Variants in SPIDR observed in about 807,000 individuals in gnomAD.
The protein encoded by SPIDR is scaffold protein involved in DNA repair.
SPIDR carries 93 observed loss-of-function variants against 104.6 expected under a neutral mutation model. The observed-to-expected ratio is 0.89, with a 90% CI of 0.75 to 1.06. The LOEUF is 1.06. Among genes scored for constraint, SPIDR ranks in the 50% least tolerant of loss-of-function variants. The pLI, the probability that SPIDR is intolerant of heterozygous loss-of-function variation, is 0.00. For missense variants in SPIDR, 1,154 were observed against 1,111.2 expected (o/e 1.04, Z -0.55); for synonymous variants, 431 against 416.9 (o/e 1.03, Z -0.41).
At chr8:47,734,714 A>T (rs1462528337) in intron 19 of SPIDR, among the ~76,000 whole-genome samples, 1 of 152,224 alleles carries the variant, frequency 6.6e-6, no homozygotes, top group Non-Finnish European at 1.5e-5. Flanking sequence ...ACACCCTCTC[A>T]GCCTGGTCAG....
intron 8 of SPIDR, among the ~76,000 whole-genome samples, chr8:47,594,130 C>T (rs1330578010): frequency 3.2e-5 from 4 of 126,558 alleles, no homozygotes; most frequent in African/African-American, 6.0e-5. Context: ...GAGGCCGAGG[C>T]GGGCAAATCA....
chr8:47,630,771 C>A (rs1216063852), intron 10 of SPIDR, among the ~76,000 whole-genome samples: 1 of 152,180 alleles, frequency 6.6e-6, no homozygotes, highest in Non-Finnish European at 1.5e-5. Context: ...GAAAATACCA[C>A]GTGACCTATA....
At chr8:47,342,328 CTTTTTTTTTTT>C (rs11357859) in intron 5 of SPIDR, among the ~76,000 whole-genome samples, 4 of 68,916 alleles carry the variant, frequency 5.8e-5, no homozygotes, top group Admixed American at 4.3e-4. Flanking sequence ...TTTCAAAGGT[CTTTTTTTTTTT>C]TTTTTTTTTT....
intron 8 of SPIDR, among the ~76,000 whole-genome samples, chr8:47,500,263 T>A (rs1345915855): frequency 6.6e-6 from 1 of 152,190 alleles, no homozygotes; most frequent in East Asian, 1.9e-4. Context: ...CCACCAACAG[T>A]GTAAAAGTGT....
intron 5 of SPIDR, among the ~76,000 whole-genome samples, chr8:47,306,002 G>T (rs1412124192): frequency 2.6e-5 from 4 of 152,034 alleles, no homozygotes; most frequent in Non-Finnish European, 5.9e-5. Context: ...CTAGCTCCTG[G>T]CAACCACCAT....
At chr8:47,722,104 T>A (rs951029578) in intron 16 of SPIDR, among the ~76,000 whole-genome samples, 13 of 152,226 alleles carry the variant, frequency 8.5e-5, no homozygotes, top group Admixed American at 7.8e-4. Context: ...ACATATTTTG[T>A]TAGATTTATA....
intron 10 of SPIDR, among the ~76,000 whole-genome samples, chr8:47,626,642 C>A (rs2066173757): frequency 6.6e-6 from 1 of 152,216 alleles, no homozygotes; most frequent in African/African-American, 2.4e-5. Flanking sequence ...AAAAAATGCT[C>A]ATCGTCACTG....
chr8:47,564,631 G>C (rs2057536237), intron 8 of SPIDR, among the ~76,000 whole-genome samples: 1 of 148,896 alleles, frequency 6.7e-6, no homozygotes, highest in Non-Finnish European at 1.5e-5. Flanking sequence ...AGTGAGCAGA[G>C]ATCACACCAC....
At chr8:47,556,145 CAGCCAATGAGAA>C (rs1461866716) in intron 8 of SPIDR, among the ~76,000 whole-genome samples, 1 of 152,132 alleles carries the variant, frequency 6.6e-6, no homozygotes, top group East Asian at 1.9e-4. Context: ...AAAGAGAAGC[CAGCCAATGAGAA>C]TTAGCCTGTA....
chr8:47,450,014 A>G (rs2071406685), intron 8 of SPIDR, among the ~76,000 whole-genome samples: 2 of 152,054 alleles, frequency 1.3e-5, no homozygotes, highest in African/African-American at 4.8e-5. Flanking sequence ...AAATACAAAA[A>G]TTAGCCAGGC....
intron 5 of SPIDR, among the ~76,000 whole-genome samples, chr8:47,309,541 G>C (rs1366696639): frequency 6.6e-6 from 1 of 152,142 alleles, no homozygotes; most frequent in African/African-American, 2.4e-5. Context: ...AAAGATGCCA[G>C]GACAAGGAGT....
chr8:47,717,203 G>T (rs1415097614), intron 16 of SPIDR, among the ~76,000 whole-genome samples: 3 of 152,122 alleles, frequency 2.0e-5, no homozygotes, highest in Non-Finnish European at 2.9e-5. Context: ...GGGCTTGCTG[G>T]TCTCCAGGCT....
intron 8 of SPIDR, among the ~76,000 whole-genome samples, chr8:47,540,962 C>T (rs184935020): frequency 7.6e-4 from 116 of 152,242 alleles, no homozygotes; most frequent in Non-Finnish European, 1.1e-3. Context: ...CAGGTTCATG[C>T]GATTTTCCTG....
intron 19 of SPIDR, among the ~76,000 whole-genome samples, chr8:47,731,677 G>T (rs1189519747): frequency 6.6e-6 from 1 of 152,250 alleles, no homozygotes; most frequent in Non-Finnish European, 1.5e-5. Context: ...CCTTAAGGAA[G>T]TTTAAGTGTA....
At chr8:47,279,043 T>G (rs965912574) in intron 1 of SPIDR, among the ~76,000 whole-genome samples, 2 of 150,742 alleles carry the variant, frequency 1.3e-5, no homozygotes, top group Non-Finnish European at 2.9e-5. Flanking sequence ...TGTGCCACCA[T>G]GCCCAGCTCA....
chr8:47,589,322 C>T (rs906664648), intron 8 of SPIDR, among the ~76,000 whole-genome samples: 2 of 151,208 alleles, frequency 1.3e-5, no homozygotes, highest in African/African-American at 4.9e-5. Context: ...GGTTTGAGAC[C>T]AGCCTGGCTA....
intron 8 of SPIDR, among the ~76,000 whole-genome samples, chr8:47,470,644 T>C (rs2075560559): frequency 6.6e-6 from 1 of 152,176 alleles, no homozygotes; most frequent in African/African-American, 2.4e-5. Flanking sequence ...TTTCAACAAA[T>C]GGGAAAATTG....
intron 10 of SPIDR, among the ~76,000 whole-genome samples, chr8:47,663,786 C>G (rs754669777): frequency 6.6e-6 from 1 of 152,142 alleles, no homozygotes; most frequent in Non-Finnish European, 1.5e-5. Flanking sequence ...ACGACACATG[C>G]TAATCATCTA....
At chr8:47,696,717 A>G (rs1589278763) in intron 11 of SPIDR, among the ~76,000 whole-genome samples, 1 of 152,122 alleles carries the variant, frequency 6.6e-6, no homozygotes, top group East Asian at 1.9e-4. Context: ...AGCACTGGAG[A>G]CTTTGGAACT....
Sources: allele counts gnomAD v4.1 joint callset (sites outside exome capture counted in the v4.1 genomes callset), GRCh38; gene constraint gnomAD v4.1.1; transcripts MANE v1.5; gene names NCBI Gene and HGNC (gene_info 2026-07-23, HGNC 2026-07-21).